The following NAALADL2 variants were observed in gnomAD, a reference collection of about 807,000 sequenced individuals.
NAALADL2 encodes N-acetylated alpha-linked acidic dipeptidase like 2, also known as inactive N-acetylated-alpha-linked acidic dipeptidase-like protein 2.
Under a neutral mutation model 87.2 loss-of-function variants are expected in NAALADL2, and 76 were observed. The ratio of observed to expected loss-of-function variants is 0.87; its 90% CI spans 0.72 to 1.05. The LOEUF is 1.05. NAALADL2 is among the 50% of genes least tolerant of loss of function. NAALADL2 has a pLI of 0.00. For synonymous variants in NAALADL2, 354 were observed against 331.0 expected (o/e 1.07, Z -0.75); for missense variants, 1,089 against 945.8 (o/e 1.15, Z -1.99).
At chr3:175,622,399 C>T (rs1024875103) in intron 10 of NAALADL2, among the ~76,000 whole-genome samples, 17 of 152,076 alleles carry the variant, frequency 1.1e-4, no homozygotes, top group African/African-American at 3.9e-4. Flanking sequence ...ATTTTAAAAT[C>T]TTAAAACGAA....
At chr3:175,295,250 C>T (rs768075564) in intron 4 of NAALADL2, among the ~76,000 whole-genome samples, 4 of 152,240 alleles carry the variant, frequency 2.6e-5, no homozygotes, top group Non-Finnish European at 4.4e-5. Flanking sequence ...AGAGGACTAG[C>T]GTTGACCTTA....
chr3:174,953,932 G>T (rs962403276), intron 1 of NAALADL2, among the ~76,000 whole-genome samples: 4 of 152,016 alleles, frequency 2.6e-5, no homozygotes, highest in Non-Finnish European at 4.4e-5. Context: ...TTTCAGGGAA[G>T]TTAAGGCACT....
intron 9 of NAALADL2, among the ~76,000 whole-genome samples, chr3:175,519,575 TA>T (rs1732342043): frequency 6.6e-6 from 1 of 152,198 alleles, no homozygotes; most frequent in South Asian, 2.1e-4. Flanking sequence ...TTTATTGAGT[TA>T]ATAAATAGAA....
At chr3:175,342,505 C>CGCGTGTGTGTGTGTGTGT (rs1762667589) in intron 5 of NAALADL2, among the ~76,000 whole-genome samples, 1 of 146,620 alleles carries the variant, frequency 6.8e-6, no homozygotes, top group African/African-American at 2.5e-5. Flanking sequence ...CCAAATATTG[C>CGCGTGTGTGTGTGTGTGT]GTGTGTGTGT....
chr3:175,074,198 C>G (rs916553173), intron 1 of NAALADL2, among the ~76,000 whole-genome samples: 1 of 152,010 alleles, frequency 6.6e-6, no homozygotes, highest in Non-Finnish European at 1.5e-5. Flanking sequence ...CAAGATGAAG[C>G]AGGTATGATT....
chr3:174,735,237 C>A (rs566499195), intron 2 of NAALADL2, among the ~76,000 whole-genome samples: 7 of 152,260 alleles, frequency 4.6e-5, no homozygotes, highest in Middle Eastern at 6.8e-3. Context: ...GGAAAAGACT[C>A]AATATCTTAA....
At chr3:174,928,839 T>C (rs902380183) in intron 1 of NAALADL2, among the ~76,000 whole-genome samples, 1 of 152,196 alleles carries the variant, frequency 6.6e-6, no homozygotes, top group Non-Finnish European at 1.5e-5. Context: ...CTTAAATCCA[T>C]ATATCATTGT....
At chr3:175,748,473 C>A (rs1225164224) in intron 12 of NAALADL2, among the ~76,000 whole-genome samples, 1 of 152,166 alleles carries the variant, frequency 6.6e-6, no homozygotes, top group African/African-American at 2.4e-5. Flanking sequence ...TTATGCAGAA[C>A]ATAAATCATA....
chr3:175,381,923 T>C (rs1014210413), intron 5 of NAALADL2, among the ~76,000 whole-genome samples: 7 of 152,240 alleles, frequency 4.6e-5, no homozygotes, highest in Admixed American at 2.0e-4. Flanking sequence ...GATTGCTCTT[T>C]TGAAGGATGG....
At chr3:175,213,169 G>T (rs1742018727) in intron 2 of NAALADL2, among the ~76,000 whole-genome samples, 1 of 152,116 alleles carries the variant, frequency 6.6e-6, no homozygotes, top group Non-Finnish European at 1.5e-5. Context: ...TAAATAACTT[G>T]TCCAAGATCT....
At chr3:174,746,751 A>T (rs1032633330) in intron 3 of NAALADL2, among the ~76,000 whole-genome samples, 1 of 152,206 alleles carries the variant, frequency 6.6e-6, no homozygotes, top group Admixed American at 6.5e-5. Flanking sequence ...ATGGAACAAA[A>T]TAGAGATCTC....
At chr3:175,011,274 GAGAGACA>G (rs1560472274) in intron 1 of NAALADL2, among the ~76,000 whole-genome samples, 29 of 113,636 alleles carry the variant, frequency 2.6e-4, no homozygotes, top group African/African-American at 7.3e-4. Flanking sequence ...GAGAGAGACA[GAGAGACA>G]GAGAGAGAGA....
At chr3:175,613,817 C>T (rs1560851603) in intron 10 of NAALADL2, among the ~76,000 whole-genome samples, 2 of 152,194 alleles carry the variant, frequency 1.3e-5, no homozygotes, top group East Asian at 3.9e-4. Flanking sequence ...GCTACTATTA[C>T]AATGTATTTT....
intron 2 of NAALADL2, among the ~76,000 whole-genome samples, chr3:174,623,903 C>A (rs1389885452): frequency 6.6e-6 from 1 of 151,584 alleles, no homozygotes; most frequent in African/African-American, 2.4e-5. Context: ...TTATAAAGTG[C>A]AATCCATCCA....
intron 1 of NAALADL2, among the ~76,000 whole-genome samples, chr3:174,533,689 T>C (rs1721455767): frequency 6.6e-6 from 1 of 151,444 alleles, no homozygotes; most frequent in South Asian, 2.1e-4. Flanking sequence ...TTACAGTGTA[T>C]GTCACTTAAA....
chr3:175,703,929 G>A (rs955221782), intron 11 of NAALADL2, among the ~76,000 whole-genome samples: 16 of 151,962 alleles, frequency 1.1e-4, no homozygotes, highest in Non-Finnish European at 2.2e-4. Context: ...ACACTTAATT[G>A]ACTCCTGAGT....
At chr3:174,896,765 C>T (rs1238151648) in intron 1 of NAALADL2, among the ~76,000 whole-genome samples, 2 of 152,162 alleles carry the variant, frequency 1.3e-5, no homozygotes, top group African/African-American at 4.8e-5. Context: ...ACATTCCTGA[C>T]TTCATATTAC....
chr3:174,543,455 T>A (rs1247429674), intron 1 of NAALADL2, among the ~76,000 whole-genome samples: 3 of 152,188 alleles, frequency 2.0e-5, no homozygotes, highest in Non-Finnish European at 2.9e-5. Context: ...GTTAAATTAC[T>A]TTGATTACCT....
At chr3:174,648,585 A>T (rs1724044676) in intron 2 of NAALADL2, among the ~76,000 whole-genome samples, 1 of 152,152 alleles carries the variant, frequency 6.6e-6, no homozygotes, top group Non-Finnish European at 1.5e-5. Context: ...TATGGTTTCC[A>T]GTATAGCACT....
Sources: gnomAD v4.1 joint callset for allele counts (sites outside exome capture counted in the v4.1 genomes callset) on GRCh38, gnomAD v4.1.1 for gene constraint, MANE v1.5 for transcripts, NCBI Gene and HGNC (gene_info 2026-07-23, HGNC 2026-07-21) for gene names.